MEF2A: variants seen among roughly 807,000 people sequenced by gnomAD.
The protein encoded by MEF2A is myocyte enhancer factor 2A.
MEF2A carries 28 observed loss-of-function variants against 55.8 expected under a neutral mutation model. The observed-to-expected ratio is 0.50, with a 90% confidence interval of 0.37 to 0.69. MEF2A has a LOEUF of 0.69. Ranked by LOEUF, MEF2A falls within the 30% of genes least tolerant of loss-of-function variation. The pLI, the probability that MEF2A is intolerant of heterozygous loss-of-function variation, is 0.00. For synonymous variants in MEF2A, 239 were observed against 227.1 expected (o/e 1.05, Z -0.47); for missense variants, 528 against 626.2 (o/e 0.84, Z 1.67).
At chr15:99,578,680 A>G (rs1351033906) in intron 1 of MEF2A, among the ~76,000 whole-genome samples, 1 of 152,228 alleles carries the variant, frequency 6.6e-6, no homozygotes, top group Non-Finnish European at 1.5e-5. Flanking sequence ...TCCACAGTCA[A>G]TTCTGCTATA....
At chr15:99,600,261 A>G (rs1204411530) in intron 2 of MEF2A, among the ~76,000 whole-genome samples, 2 of 152,148 alleles carry the variant, frequency 1.3e-5, no homozygotes, top group African/African-American at 2.4e-5. Context: ...TGCTTCCTCT[A>G]CTAGTCTCTA....
At chr15:99,632,419 T>C (rs1464580894) in intron 2 of MEF2A, among the ~76,000 whole-genome samples, 5 of 152,196 alleles carry the variant, frequency 3.3e-5, no homozygotes, top group Admixed American at 2.6e-4. Flanking sequence ...AAAAGACAGA[T>C]TGGGGCTATC....
At chr15:99,657,052 A>G (rs748046007) in intron 4 of MEF2A, among the ~76,000 whole-genome samples, 8 of 152,114 alleles carry the variant, frequency 5.3e-5, no homozygotes, top group East Asian at 1.9e-4. Flanking sequence ...AGATGGAGTC[A>G]TGCAATATGT....
At chr15:99,671,569 C>A in intron 5 of MEF2A, 115 bp downstream of exon 5, 1 of 1,612,440 alleles carries the variant, frequency 6.2e-7, no homozygotes, top group Non-Finnish European at 8.5e-7. Flanking sequence ...GACCCTGATA[C>A]TTCATATGTG....
chr15:99,652,204 A>C (rs1245989379), intron 4 of MEF2A, among the ~76,000 whole-genome samples: 1 of 152,084 alleles, frequency 6.6e-6, no homozygotes, highest in African/African-American at 2.4e-5. Flanking sequence ...TGGGGGTGGG[A>C]GGAATGTGGA....
chr15:99,617,448 A>G (rs2153229211), intron 2 of MEF2A, among the ~76,000 whole-genome samples: 1 of 152,266 alleles, frequency 6.6e-6, no homozygotes, highest in East Asian at 1.9e-4. Context: ...GCAGAGAAAG[A>G]ATATTTATGA....
At chr15:99,588,764 T>A (rs1968268880) in intron 1 of MEF2A, among the ~76,000 whole-genome samples, 2 of 151,980 alleles carry the variant, frequency 1.3e-5, no homozygotes, top group Non-Finnish European at 2.9e-5. Flanking sequence ...TTTTTGTTTT[T>A]GTTTTTTTTT....
At chr15:99,680,920 C>G (rs2053126678) in intron 7 of MEF2A, among the ~76,000 whole-genome samples, 1 of 152,086 alleles carries the variant, frequency 6.6e-6, no homozygotes, top group South Asian at 2.1e-4. Context: ...CCATTGTCAT[C>G]TGTGCAAATA....
chr15:99,696,980 T>G (rs1464718531), intron 8 of MEF2A, among the ~76,000 whole-genome samples: 1 of 152,140 alleles, frequency 6.6e-6, no homozygotes, highest in Admixed American at 6.5e-5. Flanking sequence ...ATCCCAGGAA[T>G]GCAAGGCTGA....
chr15:99,692,927 A>G (rs2055768166), intron 8 of MEF2A, among the ~76,000 whole-genome samples: 1 of 152,230 alleles, frequency 6.6e-6, no homozygotes, highest in East Asian at 1.9e-4. Context: ...CATGCTCGGT[A>G]TGGAGCGATG....
intron 1 of MEF2A, among the ~76,000 whole-genome samples, chr15:99,567,596 C>T (rs1332890398): frequency 3.3e-5 from 5 of 150,206 alleles, no homozygotes; most frequent in Admixed American, 2.0e-4. Context: ...ATAAAAATGA[C>T]TGCATTGTGC....
chr15:99,656,203 A>T (rs2047678805), intron 4 of MEF2A, among the ~76,000 whole-genome samples: 1 of 152,098 alleles, frequency 6.6e-6, no homozygotes, highest in Admixed American at 6.6e-5. Flanking sequence ...GTAGGAGGTG[A>T]TTCTTTTTAC....
At chr15:99,583,866 A>G (rs1184164697) in intron 1 of MEF2A, among the ~76,000 whole-genome samples, 2 of 152,146 alleles carry the variant, frequency 1.3e-5, no homozygotes, top group South Asian at 2.1e-4. Flanking sequence ...TGACAGGGAT[A>G]TGTTCTGAGA....
chr15:99,667,226 T>G (rs2049959932), intron 4 of MEF2A, among the ~76,000 whole-genome samples: 2 of 151,976 alleles, frequency 1.3e-5, no homozygotes. Flanking sequence ...TTTTATTTAT[T>G]TATTTATTTA....
intron 1 of MEF2A, among the ~76,000 whole-genome samples, chr15:99,585,433 T>C (rs901354387): frequency 6.6e-6 from 1 of 152,228 alleles, no homozygotes; most frequent in Admixed American, 6.5e-5. Flanking sequence ...TAGTATCTAT[T>C]TATATGTTTT....
rs112491024 is a variant in MEF2A at position 99,656,290 on chromosome 15, G to A, written c.258+10526G>A. On this transcript the variant is annotated intron_variant, in intron 4 of 11. Transcript: ENST00000557942. ...CATCTACTAACATATATTACTTCCA[G>A]CCTTTAGAGAAGTAAATGTACTTAA... Among the ~76,000 whole-genome samples, 522 of 152,120 alleles carry A rather than the reference G, an allele frequency of 3.4e-3. 5 individuals carry two copies. Among genetic ancestry groups the A allele is most frequent in the African/African-American group, 0.012 (484 of 41,504 alleles).
intron 2 of MEF2A, among the ~76,000 whole-genome samples, chr15:99,606,943 T>C (rs915717798): frequency 6.6e-6 from 1 of 152,176 alleles, no homozygotes; most frequent in African/African-American, 2.4e-5. Flanking sequence ...GCTACATAAA[T>C]AAACTCATGA....
intron 8 of MEF2A, among the ~76,000 whole-genome samples, chr15:99,700,215 T>C (rs866796324): frequency 0.01 from 910 of 89,276 alleles, 7 homozygotes; most frequent in South Asian, 0.026. Flanking sequence ...CACACACACA[T>C]ATGTACGTAT....
At chr15:99,574,653 A>G (rs192154553) in intron 1 of MEF2A, among the ~76,000 whole-genome samples, 3 of 152,258 alleles carry the variant, frequency 2.0e-5, no homozygotes, top group African/African-American at 7.2e-5. Context: ...CGTTGATCTG[A>G]CAGGAGGTGG....
Sources: allele counts gnomAD v4.1 joint callset (sites outside exome capture counted in the v4.1 genomes callset), GRCh38; gene constraint gnomAD v4.1.1; transcripts MANE v1.5; gene names NCBI Gene and HGNC (gene_info 2026-07-23, HGNC 2026-07-21).